Variants in PTPN13 observed in about 807,000 individuals in gnomAD.
PTPN13 encodes the protein tyrosine-protein phosphatase non-receptor type 13.
PTPN13 carries 191 observed loss-of-function variants against 284.0 expected under a neutral mutation model. The observed-to-expected ratio is 0.67, with a 90% confidence interval of 0.60 to 0.76. The LOEUF is 0.76. Ranked by LOEUF, PTPN13 falls within the 30% of genes least tolerant of loss-of-function variation. PTPN13 has a pLI of 0.00. For synonymous variants in PTPN13, 986 were observed against 1,022.3 expected, an observed-to-expected ratio of 0.96 and a Z score of 0.68; for missense variants, 2,797 against 2,939.9, an observed-to-expected ratio of 0.95 and a Z score of 1.12.
intron 7 of PTPN13, among the ~76,000 whole-genome samples, chr4:86,707,637 T>C (rs529609130): frequency 5.9e-5 from 9 of 151,902 alleles, no homozygotes; most frequent in South Asian, 2.1e-4. Context: ...TATGGAGATA[T>C]ATATATTTTT....
intron 32 of PTPN13, among the ~76,000 whole-genome samples, chr4:86,773,838 G>T (rs776574656): frequency 6.6e-6 from 1 of 151,242 alleles, no homozygotes; most frequent in East Asian, 1.9e-4. Flanking sequence ...AACAACCTCC[G>T]TGTCTCATTT....
At chr4:86,784,978 G>GT (rs1272336691) in intron 38 of PTPN13, among the ~76,000 whole-genome samples, 23 of 152,126 alleles carry the variant, frequency 1.5e-4, no homozygotes, top group East Asian at 3.9e-4. Flanking sequence ...GTGAAAAGCC[G>GT]TATCACCAAC....
chr4:86,665,206 A>C (rs1726931881), intron 2 of PTPN13, among the ~76,000 whole-genome samples: 1 of 152,192 alleles, frequency 6.6e-6, no homozygotes, highest in South Asian at 2.1e-4. Context: ...AGCAGCTTGC[A>C]TGTGTTTAGT....
chr4:86,813,440 G>GGTTT (rs892515011), intron 47 of PTPN13, among the ~76,000 whole-genome samples: 9 of 152,018 alleles, frequency 5.9e-5, no homozygotes, highest in Admixed American at 3.3e-4. Context: ...CTTATTTTTT[G>GGTTT]GTTTGTTTGT....
intron 1 of PTPN13, among the ~76,000 whole-genome samples, chr4:86,597,879 C>T (rs1763959805): frequency 6.6e-6 from 1 of 152,180 alleles, no homozygotes; most frequent in African/African-American, 2.4e-5. Context: ...GGAACAGGGT[C>T]TGGTTCAAGT....
intron 3 of PTPN13, among the ~76,000 whole-genome samples, chr4:86,680,209 A>G (rs768974764): frequency 6.6e-6 from 1 of 152,146 alleles, no homozygotes; most frequent in Non-Finnish European, 1.5e-5. Context: ...AAACGGGACA[A>G]AATCCCTCTG....
In PTPN13 at chr4:86,708,446, C is replaced by T. The variant is rs187152280; in HGVS notation, c.1195+6645C>T. The stretch of plus-strand genomic sequence containing the variant: ...TACTAGGGAAAATTAAAGGTCAAAC[C>T]AATACAGACTTTCCAGTGTCTGTAC... On this transcript the variant is annotated intron_variant, in intron 7 of 47. Transcript: ENST00000411767. Among the ~76,000 whole-genome samples, 226 of 152,176 alleles carry T rather than the reference C, an allele frequency of 1.5e-3. 1 individual carries two copies. The highest frequency in any genetic ancestry group is 5.2e-3 in the African/African-American group (218 of 41,548).
At chr4:86,642,995 G>A (rs1723991070) in intron 2 of PTPN13, among the ~76,000 whole-genome samples, 1 of 151,904 alleles carries the variant, frequency 6.6e-6, no homozygotes, top group South Asian at 2.1e-4. Flanking sequence ...TTTTGTTATG[G>A]AACTGTTGCT....
chr4:86,774,580 G>A (rs1232083840), intron 33 of PTPN13, 49 bp downstream of exon 33: 2 of 1,483,878 alleles, frequency 1.3e-6, no homozygotes, highest in African/African-American at 1.4e-5. Flanking sequence ...TAGACAAAGA[G>A]CAAGCCAGAA....
chr4:86,761,248 A>G (rs1738659924), intron 23 of PTPN13, among the ~76,000 whole-genome samples: 1 of 150,460 alleles, frequency 6.6e-6, no homozygotes, highest in African/African-American at 2.4e-5. Flanking sequence ...CTTACTCAAC[A>G]TATTCTGTTG....
chr4:86,615,323 ATTATT>A (rs1720418613), intron 1 of PTPN13, among the ~76,000 whole-genome samples: 2 of 152,126 alleles, frequency 1.3e-5, no homozygotes, highest in African/African-American at 4.8e-5. Flanking sequence ...ATGGTCAAAT[ATTATT>A]AGTTTCATAT....
intron 3 of PTPN13, among the ~76,000 whole-genome samples, chr4:86,685,253 G>A (rs1201378680): frequency 1.3e-5 from 2 of 151,964 alleles, no homozygotes; most frequent in African/African-American, 4.8e-5. Context: ...CTTGTACTAC[G>A]CTACCCATTC....
At chr4:86,699,800 G>A (rs529137993) in intron 6 of PTPN13, among the ~76,000 whole-genome samples, 8 of 152,086 alleles carry the variant, frequency 5.3e-5, no homozygotes, top group African/African-American at 1.9e-4. Context: ...GAATATCTCT[G>A]TTCTCTATTC....
At chr4:86,604,811 C>T (rs188354408) in intron 1 of PTPN13, among the ~76,000 whole-genome samples, 1 of 151,552 alleles carries the variant, frequency 6.6e-6, no homozygotes, top group African/African-American at 2.4e-5. Context: ...AATTATTTTC[C>T]GTATTTTGAG....
chr4:86,623,303 C>T (rs967693244), intron 1 of PTPN13, among the ~76,000 whole-genome samples: 1 of 152,062 alleles, frequency 6.6e-6, no homozygotes, highest in African/African-American at 2.4e-5. Context: ...TATCCAGGCC[C>T]CTGACTAATT....
In PTPN13 at chr4:86,810,129, A is replaced by G. The variant is rs1228195268; in HGVS notation, c.7299+145A>G. 7.7e-6 allele frequency: 5 copies of G among 652,010 alleles called. No individual in the cohort carries two copies. The Admixed American group carries it at 1.4e-4, about 18-fold the overall frequency. 40.4% of individuals were successfully genotyped at this position (652,010 alleles called of 1,614,324 possible). A position where few individuals can be genotyped will look rare whatever the true frequency, so the allele number is the denominator to read the frequency against. ...TTTTCTTCTTATATTATTATAGAAA[A>G]TTGTATTTTTGTAAACATTGGTATT... is the stretch of plus-strand genomic sequence containing the variant. On this transcript the variant is annotated intron_variant, in intron 46 of 47. Coordinates refer to ENST00000411767, the MANE Select transcript of PTPN13 (RefSeq NM_080683.3).
intron 10 of PTPN13, among the ~76,000 whole-genome samples, 173 bp from the exon 11 acceptor site, chr4:86,732,227 A>G (rs1021958936): frequency 5.9e-5 from 9 of 152,184 alleles, no homozygotes; most frequent in African/African-American, 9.7e-5. Context: ...GTTATTGGTA[A>G]ATTCCAGTAT....
intron 2 of PTPN13, among the ~76,000 whole-genome samples, chr4:86,662,154 A>T (rs527319460): frequency 1.3e-5 from 2 of 152,316 alleles, no homozygotes; most frequent in South Asian, 4.1e-4. Flanking sequence ...GTGGCAACAG[A>T]AATGCTAGCA....
At chr4:86,716,433 A>G (rs1224610522) in intron 7 of PTPN13, 97 bp from the exon 8 acceptor site, 2 of 724,054 alleles carry the variant, frequency 2.8e-6, no homozygotes, top group Non-Finnish European at 2.2e-6. Context: ...AGCAATGTAT[A>G]AAATGTTTTA....
Sources: allele counts gnomAD v4.1 joint callset (sites outside exome capture counted in the v4.1 genomes callset), GRCh38; gene constraint gnomAD v4.1.1; transcripts MANE v1.5; gene names NCBI Gene and HGNC (gene_info 2026-07-23, HGNC 2026-07-21).